The following CFAP54 variants were observed in gnomAD, a reference collection of about 807,000 sequenced individuals.
CFAP54 encodes the protein cilia and flagella associated protein 54.
Under a neutral mutation model 370.4 loss-of-function variants are expected in CFAP54, and 290 were observed. That is an observed-to-expected ratio of 0.78 (90% CI 0.71 to 0.86). The LOEUF is 0.86. Ranked by LOEUF, CFAP54 falls within the 40% of genes least tolerant of loss-of-function variation. CFAP54 has a pLI of 0.00. For missense variants in CFAP54, 3,399 were observed against 3,528.7 expected (o/e 0.96, Z 0.93); for synonymous variants, 1,206 against 1,236.5 (o/e 0.98, Z 0.52).
At chr12:96,726,966 T>G (rs191754690) in intron 50 of CFAP54, among the ~76,000 whole-genome samples, 3 of 152,364 alleles carry the variant, frequency 2.0e-5, no homozygotes, top group Non-Finnish European at 4.4e-5. Context: ...GTTGTTCAGT[T>G]TCCATGTAGT....
chr12:96,643,528 T>C (rs1045208794), intron 32 of CFAP54, among the ~76,000 whole-genome samples: 1 of 152,156 alleles, frequency 6.6e-6, no homozygotes, highest in Non-Finnish European at 1.5e-5. Context: ...GAAAATATGC[T>C]TGGAACAATA....
intron 66 of CFAP54, among the ~76,000 whole-genome samples, chr12:96,856,164 C>T (rs549693338): frequency 6.6e-6 from 1 of 152,172 alleles, no homozygotes; most frequent in Non-Finnish European, 1.5e-5. Flanking sequence ...CCCTAGGCTG[C>T]ACACAGGAGG....
intron 19 of CFAP54, among the ~76,000 whole-genome samples, chr12:96,567,806 G>A (rs755570304): frequency 6.6e-6 from 1 of 152,000 alleles, no homozygotes; most frequent in Non-Finnish European, 1.5e-5. Context: ...GGAACATACC[G>A]GGACTGAGAT....
At chr12:96,867,754 G>A (rs1410274227) in intron 67 of CFAP54, among the ~76,000 whole-genome samples, 1 of 152,098 alleles carries the variant, frequency 6.6e-6, no homozygotes, top group African/African-American at 2.4e-5. Flanking sequence ...CTAGAGGAGG[G>A]GCTGTTGAGG....
chr12:96,722,132 A>G (rs1057474570), intron 50 of CFAP54, among the ~76,000 whole-genome samples: 2 of 152,064 alleles, frequency 1.3e-5, no homozygotes, highest in African/African-American at 4.8e-5. Flanking sequence ...CCTCAGTGCC[A>G]CCCACCAACC....
intron 50 of CFAP54, among the ~76,000 whole-genome samples, chr12:96,726,616 C>CA (rs1317570629): frequency 1.3e-5 from 2 of 149,938 alleles, no homozygotes; most frequent in African/African-American, 4.9e-5. Context: ...TTGATCCTTT[C>CA]AAAAAACCAG....
At position 96,684,851 on chromosome 12, in the gene CFAP54, A is replaced by C. The variant is rs920557751; in HGVS notation, c.5804+116A>C. The C allele has an allele frequency of 3.1e-6, 3 of 981,706 alleles. No homozygotes were observed. In the South Asian group the frequency reaches 4.8e-5, roughly 16 times the overall value. The allele number at this position is 981,706 out of a possible 1,614,324, so 60.8% of individuals were successfully genotyped here. Reference sequence around the variant, plus strand: ...AATTTTAGTTCTTCAACAATACTACATTGCTACATTTTATTCATCAAATGC... The same window carrying C: ...AATTTTAGTTCTTCAACAATACTACCTTGCTACATTTTATTCATCAAATGC... On this transcript the variant is annotated intron_variant, in intron 41 of 67. Coordinates refer to ENST00000524981, the MANE Select transcript of CFAP54 (RefSeq NM_001306084.2).
At chr12:96,511,021 G>A (rs74856951) in intron 4 of CFAP54, among the ~76,000 whole-genome samples, 1,954 of 151,488 alleles carry the variant, frequency 0.013, 61 homozygotes, top group African/African-American at 0.046. Context: ...ACAAAGCCTC[G>A]TTGAGATAAG....
At chr12:96,613,795 T>A (rs1956386371) in intron 26 of CFAP54, among the ~76,000 whole-genome samples, 1 of 152,156 alleles carries the variant, frequency 6.6e-6, no homozygotes, top group Admixed American at 6.5e-5. Flanking sequence ...CCTGGACACA[T>A]AGACCCTCCC....
Position 96,511,219 on chromosome 12 carries a change from G to A in CFAP54, c.740-1767G>A, listed in dbSNP as rs1366750550. Among the ~76,000 whole-genome samples, 3 of 152,048 alleles carry A rather than the reference G, an allele frequency of 2.0e-5. No homozygotes were observed. The East Asian group carries it at 5.8e-4, about 29-fold the overall frequency. On this transcript the variant is annotated intron_variant, in intron 4 of 67. Transcript: ENST00000524981. ...TAAATTTAAATTTTATTCAATTTTG[G>A]GGGTCACTGATTTGTGTAATTGATG...
chr12:96,513,066 T>C, intron 5 of CFAP54, 22 bp downstream of exon 5: 5 of 1,414,126 alleles, frequency 3.5e-6, no homozygotes, highest in Non-Finnish European at 4.7e-6. Flanking sequence ...ACTGACAAAA[T>C]ATTTTCCCCT....
intron 1 of CFAP54, among the ~76,000 whole-genome samples, chr12:96,497,605 T>G (rs999654372): frequency 6.6e-6 from 1 of 152,198 alleles, no homozygotes; most frequent in African/African-American, 2.4e-5. Flanking sequence ...GGTCATCAAT[T>G]TTTTACAGTT....
At chr12:96,497,844 A>T (rs1954974390) in intron 1 of CFAP54, among the ~76,000 whole-genome samples, 3 of 152,244 alleles carry the variant, frequency 2.0e-5, no homozygotes, top group Admixed American at 2.0e-4. Context: ...CTTTTTACGT[A>T]GATAAGACCC....
intron 60 of CFAP54, among the ~76,000 whole-genome samples, chr12:96,783,246 C>T (rs1958597048): frequency 6.6e-6 from 1 of 151,962 alleles, no homozygotes; most frequent in Non-Finnish European, 1.5e-5. Flanking sequence ...GCTCAGGCAG[C>T]GAGAGTGAAA....
intron 1 of CFAP54, among the ~76,000 whole-genome samples, chr12:96,499,059 A>T (rs373694980): frequency 1.3e-5 from 2 of 152,012 alleles, no homozygotes; most frequent in Admixed American, 1.3e-4. Flanking sequence ...GCTCACTGCA[A>T]TCTCCACCTC....
At chr12:96,739,240 T>G (rs1958021325) in intron 50 of CFAP54, among the ~76,000 whole-genome samples, 1 of 152,184 alleles carries the variant, frequency 6.6e-6, no homozygotes, top group Non-Finnish European at 1.5e-5. Flanking sequence ...AATTTTGTTT[T>G]GGAATACATT....
At chr12:96,692,089 ATTT>A (rs1170014576) in intron 44 of CFAP54, among the ~76,000 whole-genome samples, 1 of 140,612 alleles carries the variant, frequency 7.1e-6, no homozygotes, top group Non-Finnish European at 1.6e-5. Context: ...TCCCCCACAT[ATTT>A]TTTTCTATTC....
In CFAP54 at chr12:96,540,743, G is replaced by A. The variant is rs1343306022; in HGVS notation, c.1927-94G>A. On this transcript the variant is annotated intron_variant, in intron 13 of 67. Transcript: ENST00000524981. ...AACATTTCCATATGATTAGAAGATG[G>A]TTGTTTCAAGGAAGTATAAGTTTTG... 8.4e-6 allele frequency: 6 copies of A among 715,488 alleles called. No homozygotes were observed. The East Asian group carries it at 1.7e-4, about 20-fold the overall frequency. The allele number at this position is 715,488 out of a possible 1,614,324, so 44.3% of individuals were successfully genotyped here.
intron 38 of CFAP54, among the ~76,000 whole-genome samples, chr12:96,659,044 A>C (rs1370640584): frequency 6.6e-6 from 1 of 151,970 alleles, no homozygotes; most frequent in African/African-American, 2.4e-5. Context: ...TTTGAAACAG[A>C]GTTTCACTCT....
Sources: gnomAD v4.1 joint callset for allele counts (sites outside exome capture counted in the v4.1 genomes callset) on GRCh38, gnomAD v4.1.1 for gene constraint, MANE v1.5 for transcripts, NCBI Gene and HGNC (gene_info 2026-07-23, HGNC 2026-07-21) for gene names.